SYT9: variants seen among roughly 807,000 people sequenced by gnomAD.
The protein encoded by SYT9 is synaptotagmin-9.
In SYT9, 22 loss-of-function variants were observed where a neutral mutation model predicts 48.4. That is an observed-to-expected ratio of 0.45 (90% confidence interval 0.32 to 0.65). The LOEUF (loss-of-function observed/expected upper bound fraction) is 0.65. Among genes scored for constraint, SYT9 ranks in the 30% least tolerant of loss-of-function variants. SYT9 has a pLI of 0.03. For synonymous variants in SYT9, 265 were observed against 245.0 expected, an observed-to-expected ratio of 1.08 and a Z score of -0.76; for missense variants, 577 against 622.0, an observed-to-expected ratio of 0.93 and a Z score of 0.77.
intron 3 of SYT9, 110 bp downstream of exon 3, chr11:7,314,051 C>T: frequency 7.9e-7 from 1 of 1,268,036 alleles, no homozygotes; most frequent in East Asian, 2.3e-5. Context: ...TGTCAATGTA[C>T]ATGTAGCAGT....
chr11:7,372,468 A>G (rs78473894), intron 3 of SYT9, among the ~76,000 whole-genome samples: 2,842 of 152,176 alleles, frequency 0.019, 60 homozygotes, highest in African/African-American at 0.045. Flanking sequence ...ATGCACCACA[A>G]TCCTTAGCTA....
At chr11:7,258,754 C>A (rs1397808457) in intron 1 of SYT9, among the ~76,000 whole-genome samples, 4 of 152,038 alleles carry the variant, frequency 2.6e-5, no homozygotes, top group Admixed American at 2.6e-4. Flanking sequence ...AATAAATGAT[C>A]AATAAATTGA....
intron 6 of SYT9, among the ~76,000 whole-genome samples, chr11:7,430,214 C>T (rs1227457557): frequency 1.3e-5 from 2 of 152,128 alleles, no homozygotes; most frequent in Non-Finnish European, 2.9e-5. Context: ...GGTAGAATTA[C>T]ATATTTTTTT....
intron 1 of SYT9, among the ~76,000 whole-genome samples, chr11:7,272,447 C>G (rs1848314514): frequency 6.6e-6 from 1 of 152,272 alleles, no homozygotes; most frequent in Non-Finnish European, 1.5e-5. Flanking sequence ...CTTATCCCCT[C>G]TTACTTCATT....
At chr11:7,399,778 TG>T (rs1348166377) in intron 3 of SYT9, among the ~76,000 whole-genome samples, 3 of 147,896 alleles carry the variant, frequency 2.0e-5, no homozygotes, top group Non-Finnish European at 3.0e-5. Flanking sequence ...AATGTAAACT[TG>T]CCGTCACAGG....
intron 3 of SYT9, among the ~76,000 whole-genome samples, chr11:7,325,138 A>C (rs1398686181): frequency 6.6e-6 from 1 of 152,016 alleles, no homozygotes; most frequent in Non-Finnish European, 1.5e-5. Context: ...TTTTCTTCCA[A>C]TTCTGTGAAG....
At chr11:7,465,840 A>C (rs1848322713) in intron 6 of SYT9, 1 of 179,472 alleles carries the variant, frequency 5.6e-6, no homozygotes, top group Admixed American at 6.1e-5. Context: ...AATGAGGAAG[A>C]AGCAAAAGCA....
intron 3 of SYT9, among the ~76,000 whole-genome samples, chr11:7,396,018 G>A (rs1846744670): frequency 6.6e-6 from 1 of 151,954 alleles, no homozygotes; most frequent in Admixed American, 6.6e-5. Context: ...TCTCTTATAA[G>A]GCTAGTCTAG....
chr11:7,454,313 A>G, intron 6 of SYT9: 7 of 985,056 alleles, frequency 7.1e-6, no homozygotes, highest in South Asian at 4.7e-5. Context: ...ATGATTCCAG[A>G]TGATGCTTAC....
intron 3 of SYT9, among the ~76,000 whole-genome samples, chr11:7,344,158 T>G (rs1179064732): frequency 6.6e-6 from 1 of 152,196 alleles, no homozygotes; most frequent in Non-Finnish European, 1.5e-5. Context: ...GATTATTTCC[T>G]TCTTCTTTGG....
chr11:7,300,649 G>T (rs190570556), intron 1 of SYT9, among the ~76,000 whole-genome samples: 27 of 152,354 alleles, frequency 1.8e-4, no homozygotes, highest in African/African-American at 6.5e-4. Context: ...AAGAAGTTTT[G>T]TCTCCATTTA....
chr11:7,366,935 A>C (rs567197989), intron 3 of SYT9, among the ~76,000 whole-genome samples: 18 of 151,888 alleles, frequency 1.2e-4, no homozygotes, highest in Non-Finnish European at 2.4e-4. Flanking sequence ...TTTTGTGAAT[A>C]AATATACACA....
intron 1 of SYT9, among the ~76,000 whole-genome samples, chr11:7,245,272 G>A (rs1847779378): frequency 6.6e-6 from 1 of 152,092 alleles, no homozygotes; most frequent in African/African-American, 2.4e-5. Context: ...GGGTGGCCAG[G>A]ATTAAATGCA....
chr11:7,382,934 C>G (rs1428132414), intron 3 of SYT9, among the ~76,000 whole-genome samples: 2 of 152,132 alleles, frequency 1.3e-5, no homozygotes, highest in African/African-American at 4.8e-5. Flanking sequence ...TTGTCATCCT[C>G]CAGGCACACT....
At chr11:7,265,700 A>T (rs1014440152) in intron 1 of SYT9, among the ~76,000 whole-genome samples, 13 of 146,308 alleles carry the variant, frequency 8.9e-5, no homozygotes, top group African/African-American at 3.3e-4. Flanking sequence ...ACAGTGAATT[A>T]TCTCAAATTA....
At chr11:7,241,214 A>G (rs574297050) in intron 1 of SYT9, among the ~76,000 whole-genome samples, 130 of 147,290 alleles carry the variant, frequency 8.8e-4, no homozygotes, top group African/African-American at 3.3e-3. Context: ...TAAAACACAC[A>G]CACACACACA....
At chr11:7,308,433 C>T (rs1849071445) in intron 2 of SYT9, among the ~76,000 whole-genome samples, 1 of 152,176 alleles carries the variant, frequency 6.6e-6, no homozygotes, top group African/African-American at 2.4e-5. Context: ...GATATGAGTG[C>T]TGGCTTGTAC....
chr11:7,404,787 G>A (rs971644942), intron 3 of SYT9, among the ~76,000 whole-genome samples: 1 of 152,094 alleles, frequency 6.6e-6, no homozygotes, highest in African/African-American at 2.4e-5. Context: ...AATTCATAAA[G>A]GTGGGAAGGA....
intron 3 of SYT9, among the ~76,000 whole-genome samples, chr11:7,335,475 AC>A (rs1184628090): frequency 6.6e-6 from 1 of 150,906 alleles, no homozygotes; most frequent in Non-Finnish European, 1.5e-5. Flanking sequence ...CCCACCCTCC[AC>A]CCCCAGAAGG....
Sources: allele counts gnomAD v4.1 joint callset (sites outside exome capture counted in the v4.1 genomes callset), GRCh38; gene constraint gnomAD v4.1.1; transcripts MANE v1.5; gene names NCBI Gene and HGNC (gene_info 2026-07-23, HGNC 2026-07-21).